GALNS: variants seen among roughly 807,000 people sequenced by gnomAD.
GALNS encodes galactosamine (N-acetyl)-6-sulfatase, also known as N-acetylgalactosamine-6-sulfatase.
In GALNS, 65 loss-of-function variants were observed where a neutral mutation model predicts 65.9. That is an observed-to-expected ratio of 0.99 (90% CI 0.81 to 1.21). The LOEUF (loss-of-function observed/expected upper bound fraction) is 1.21. GALNS is among the 50% of genes most tolerant of loss of function. The pLI is 0.00. For missense variants in GALNS, 776 were observed against 700.7 expected (o/e 1.11, Z -1.21); for synonymous variants, 346 against 288.9 (o/e 1.20, Z -2.00).
intron 8 of GALNS, among the ~76,000 whole-genome samples, chr16:88,832,415 CGACTGGTGCTTCCCGAACGTGAAT>C (rs1911604275): frequency 6.6e-6 from 1 of 152,184 alleles, no homozygotes; most frequent in South Asian, 2.1e-4. Flanking sequence ...GCGCAGCTGC[CGACTGGTGCTTCCCGAACGTGAAT>C]GTTCACAAGC....
intron 1 of GALNS, chr16:88,855,407 T>C: frequency 2.8e-6 from 2 of 702,732 alleles, no homozygotes; most frequent in South Asian, 1.5e-5. Flanking sequence ...AAGGATGAAA[T>C]TCTGAAGCAA....
intron 1 of GALNS, among the ~76,000 whole-genome samples, chr16:88,847,391 A>G (rs996707474): frequency 6.6e-6 from 1 of 151,656 alleles, no homozygotes; most frequent in Non-Finnish European, 1.5e-5. Flanking sequence ...AAAAACAAAA[A>G]CCTGCCACTT....
intron 8 of GALNS, 139 bp downstream of exon 8, chr16:88,835,074 A>T: frequency 9.0e-7 from 1 of 1,111,534 alleles, no homozygotes. Context: ...AGGCTCGGTG[A>T]CATCTGCTCC....
At chr16:88,817,313 C>G in intron 13 of GALNS, 1 of 985,424 alleles carries the variant, frequency 1.0e-6, no homozygotes, top group Non-Finnish European at 1.2e-6. Context: ...CACGTCTGTG[C>G]TTGTGTTTCT....
At position 88,836,412 on chromosome 16, in the gene GALNS, T is replaced by C. The variant is rs11076722; in HGVS notation, c.567-145A>G. The C allele has an allele frequency of 0.28, 203,082 of 736,476 alleles. 30,451 individuals carry two copies. Among genetic ancestry groups the C allele is most frequent in the East Asian group, 0.58 (21,538 of 36,896 alleles). The allele number at this position is 736,476 out of a possible 1,614,324, so 45.6% of individuals were successfully genotyped here. On this transcript the variant is annotated intron_variant, in intron 5 of 13. Coordinates refer to ENST00000268695, the MANE Select transcript of GALNS (RefSeq NM_000512.5). ...GGCTCATGCCTGTAATCCCAGCATT[T>C]TGGGAGGCTGAGGAAGGTGGATCAT... is the stretch of plus-strand genomic sequence containing the variant.
intron 12 of GALNS, among the ~76,000 whole-genome samples, chr16:88,821,461 A>G (rs1910210931): frequency 6.6e-6 from 1 of 152,150 alleles, no homozygotes; most frequent in Non-Finnish European, 1.5e-5. Flanking sequence ...GCCTGGGGAC[A>G]CTGCTGTCCA....
At chr16:88,828,030 C>T (rs1042410526) in intron 9 of GALNS, among the ~76,000 whole-genome samples, 4 of 152,244 alleles carry the variant, frequency 2.6e-5, no homozygotes, top group African/African-American at 7.2e-5. Flanking sequence ...GCGCTGCAGC[C>T]GCTCACGGGA....
rs372785349 is a variant in GALNS, at chr16:88,835,997, G to T, written c.634-148C>A. The T allele has an allele frequency of 1.2e-3, 1,547 of 1,291,706 alleles. 18 individuals carry two copies. The African/African-American group carries it at 0.021, about 18-fold the overall frequency. The allele number at this position is 1,291,706 out of a possible 1,614,324, so 80.0% of individuals were successfully genotyped here. On this transcript the variant is annotated intron_variant, in intron 6 of 13. Coordinates refer to ENST00000268695, the MANE Select transcript of GALNS (RefSeq NM_000512.5). The stretch of plus-strand genomic sequence containing the variant: ...ACGGGGCAAGGTTGGTGCGGTCCCC[G>T]TCCCCACGCGTCCCACGGGGCGAGG...
intron 1 of GALNS, 40 bp from the exon 2 acceptor site, chr16:88,842,869 T>TG: frequency 6.2e-7 from 1 of 1,608,732 alleles, no homozygotes; most frequent in Non-Finnish European, 8.5e-7. Context: ...GAGCGCCTTC[T>TG]GCAGGTGCTT....
At chr16:88,816,080 G>A (rs1597519181) in intron 13 of GALNS, 1 of 985,446 alleles carries the variant, frequency 1.0e-6, no homozygotes, top group Non-Finnish European at 1.2e-6. Flanking sequence ...GGTGGCATCT[G>A]GGCCCCTCAG....
rs931769206 is a variant in GALNS at position 88,816,872 on chromosome 16, G to A, written c.1482+1135C>T. Reference sequence around the variant, plus strand: ...GAGGGGCCTTCTTCCCGAATCCTGCGCGGCAGATCCAGGGGCTGTGGGCAG... The same window carrying A: ...GAGGGGCCTTCTTCCCGAATCCTGCACGGCAGATCCAGGGGCTGTGGGCAG... On this transcript the variant is annotated intron_variant, in intron 13 of 13. Transcript: ENST00000268695. 20 of 985,334 alleles carry A rather than the reference G, an allele frequency of 2.0e-5. No individual in the cohort carries two copies. The South Asian group carries it at 3.3e-4, about 16-fold the overall frequency. The allele number at this position is 985,334 out of a possible 1,614,324, so 61.0% of individuals were successfully genotyped here. A position where few individuals can be genotyped will look rare whatever the true frequency, so the allele number is the denominator to read the frequency against.
At chr16:88,814,614 G>C in intron 13 of GALNS, 89 bp from the exon 14 acceptor site, 6 of 1,541,996 alleles carry the variant, frequency 3.9e-6, no homozygotes, top group Non-Finnish European at 5.2e-6. Context: ...TTGCTGTTCT[G>C]AGACAGTCTC....
chr16:88,850,215 C>T (rs968355884), intron 1 of GALNS, among the ~76,000 whole-genome samples: 8 of 152,206 alleles, frequency 5.3e-5, no homozygotes, highest in African/African-American at 1.9e-4. Flanking sequence ...TCTGCCCATG[C>T]CCAGGACCAC....
At chr16:88,846,330 T>C (rs1050351183) in intron 1 of GALNS, among the ~76,000 whole-genome samples, 9 of 151,948 alleles carry the variant, frequency 5.9e-5, no homozygotes, top group Admixed American at 4.6e-4. Context: ...AGGGCGAAGG[T>C]GGCCGTGTGG....
intron 5 of GALNS, among the ~76,000 whole-genome samples, chr16:88,837,353 G>A (rs776919120): frequency 5.9e-5 from 9 of 152,186 alleles, no homozygotes; most frequent in Non-Finnish European, 1.2e-4. Context: ...GTGTGGGCTC[G>A]CTCTGCTGGG....
chr16:88,818,025 C>A lies in GALNS; in HGVS notation c.1464G>T (p.Val488=). The A allele has an allele frequency of 6.3e-7, 1 of 1,583,244 alleles. No homozygotes were observed. The highest frequency in any genetic ancestry group is 8.5e-7 in the Non-Finnish European group (1 of 1,169,956). ...ALVPAQPQLN[V]CNWAVMNWAP... ...CACTTACCATGACCGCCCAGTTGCA[C>A]ACGTTGAGCTGGGGCTGCGCGGGGA... Residue 488 remains valine, a synonymous_variant, in exon 13 of 14, where the codon GTG becomes GTT. Transcript: ENST00000268695.
intron 5 of GALNS, among the ~76,000 whole-genome samples, chr16:88,836,931 C>G (rs1170182233): frequency 6.6e-6 from 1 of 152,178 alleles, no homozygotes; most frequent in African/African-American, 2.4e-5. Context: ...TGCTGGTTGT[C>G]CCAGCCTGTG....
chr16:88,840,657 GC>G (rs1567535769), intron 4 of GALNS: 1 of 404,864 alleles, frequency 2.5e-6, no homozygotes, highest in South Asian at 2.1e-5. Flanking sequence ...TAATGACGTG[GC>G]CCCTCCAAGG....
At chr16:88,819,278 C>A (rs1246505334) in intron 12 of GALNS, among the ~76,000 whole-genome samples, 1 of 152,172 alleles carries the variant, frequency 6.6e-6, no homozygotes, top group Non-Finnish European at 1.5e-5. Context: ...CAGAGGGCGA[C>A]CTTCAGGAGA....
Sources: allele counts gnomAD v4.1 joint callset (sites outside exome capture counted in the v4.1 genomes callset), GRCh38; gene constraint gnomAD v4.1.1; transcripts MANE v1.5; gene names NCBI Gene and HGNC (gene_info 2026-07-23, HGNC 2026-07-21).